Variants in POC5 observed in about 807,000 individuals in gnomAD.
The protein encoded by POC5 is POC5 centriolar protein.
In POC5, 48 loss-of-function variants were observed where a neutral mutation model predicts 62.9. The observed-to-expected ratio is 0.76, with a 90% confidence interval of 0.61 to 0.97. The LOEUF (loss-of-function observed/expected upper bound fraction) is 0.97. Among genes scored for constraint, POC5 ranks in the 50% least tolerant of loss-of-function variants. The probability of loss-of-function intolerance (pLI) is 0.00; values close to 1 mark genes in which losing one functional copy is unlikely to be tolerated. For missense variants in POC5, 696 were observed against 679.5 expected, an observed-to-expected ratio of 1.02 and a Z score of -0.27; for synonymous variants, 236 against 228.2, an observed-to-expected ratio of 1.03 and a Z score of -0.31.
At chr5:75,698,282 A>AC (rs1484994194) in intron 5 of POC5, among the ~76,000 whole-genome samples, 1 of 149,850 alleles carries the variant, frequency 6.7e-6, no homozygotes, top group African/African-American at 2.5e-5. Context: ...TCAGCACCAC[A>AC]CCACACCTAT....
intron 5 of POC5, among the ~76,000 whole-genome samples, chr5:75,701,229 CAAAGGACTAT>C (rs1776865235): frequency 7.0e-6 from 1 of 142,046 alleles, no homozygotes; most frequent in Non-Finnish European, 1.6e-5. Flanking sequence ...GGTATATACC[CAAAGGACTAT>C]AAATCATGCG....
chr5:75,685,883 A>C (rs187090466), intron 9 of POC5, among the ~76,000 whole-genome samples: 135 of 152,322 alleles, frequency 8.9e-4, no homozygotes, highest in African/African-American at 3.1e-3. Context: ...TAGATGGCCA[A>C]AATGACCTGC....
intron 11 of POC5, among the ~76,000 whole-genome samples, chr5:75,676,289 TCTC>T (rs1314213058): frequency 6.6e-6 from 1 of 152,226 alleles, no homozygotes. Flanking sequence ...GTTTATTTCT[TCTC>T]ATTTTTGATA....
chr5:75,707,570 C>A, intron 3 of POC5, 167 bp downstream of exon 3: 1 of 506,980 alleles, frequency 2.0e-6, no homozygotes, highest in Non-Finnish European at 3.5e-6. Context: ...ACACGAGAGT[C>A]AGGAATAATA....
chr5:75,685,848 G>GTAT (rs1309655694), intron 9 of POC5, among the ~76,000 whole-genome samples: 1 of 152,078 alleles, frequency 6.6e-6, no homozygotes, highest in African/African-American at 2.4e-5. Context: ...AGGTTCCTTT[G>GTAT]TATTAGTTCA....
chr5:75,712,765 G>GA, intron 2 of POC5, 89 bp downstream of exon 2: 1 of 1,051,192 alleles, frequency 9.5e-7, no homozygotes, highest in Non-Finnish European at 1.4e-6. Context: ...GTAAATGGAT[G>GA]AAAAAATTAT....
intron 10 of POC5, among the ~76,000 whole-genome samples, chr5:75,682,349 CGT>C (rs1373904296): frequency 6.6e-6 from 1 of 152,084 alleles, no homozygotes; most frequent in Non-Finnish European, 1.5e-5. Context: ...TCTAGCTCCG[CGT>C]GTGTTAACTG....
chr5:75,715,284 T>G (rs1312384272), intron 1 of POC5, among the ~76,000 whole-genome samples: 1 of 125,882 alleles, frequency 7.9e-6, no homozygotes, highest in Non-Finnish European at 1.5e-5. Context: ...CACTCCAGCC[T>G]GGGCGACAGA....
At chr5:75,693,339 TAGAA>T (rs1042707413) in intron 6 of POC5, among the ~76,000 whole-genome samples, 6 of 151,902 alleles carry the variant, frequency 3.9e-5, no homozygotes, top group African/African-American at 1.4e-4. Context: ...ATAGTCACAT[TAGAA>T]AGAGATTTTG....
In POC5 at chr5:75,702,760, A is replaced by T. The variant is rs1182429698; in HGVS notation, c.358T>A (p.Phe120Ile). 1 of 1,597,392 alleles carries T rather than the reference A, an allele frequency of 6.3e-7. No individual in the cohort carries two copies. The highest frequency in any genetic ancestry group is 8.5e-7 in the Non-Finnish European group (1 of 1,171,278). Residue 120 changes from phenylalanine to isoleucine, a missense_variant, in exon 5 of 12, where the codon TTT becomes ATT. By Grantham distance (21) the Phe-to-Ile change is conservative (BLOSUM62 0). Coordinates refer to ENST00000428202, the MANE Select transcript of POC5 (RefSeq NM_001099271.2). Reference sequence around the variant, plus strand: ...TCAGCTAAAAGATGTGAACTGAAAAAATCCATGACTGGGTGAGAAGGCTTC... The same window carrying T: ...TCAGCTAAAAGATGTGAACTGAAAATATCCATGACTGGGTGAGAAGGCTTC... ...PRKPSHPVMD[F>I]FSSHLLADSS...
At position 75,685,328 on chromosome 5, in the gene POC5, G is replaced by C; in HGVS notation, c.1286C>G (p.Ala429Gly). Residue 429 changes from alanine (A) to glycine (G), a missense_variant, in exon 10 of 12, where the codon GCG (alanine) becomes GGG (glycine). By Grantham distance (60) the Ala-to-Gly change is moderately conservative. Transcript: ENST00000428202. ...SPPAAVGGAS[A>G]TAVPSAASMT... The stretch of plus-strand genomic sequence containing the variant: ...CGAAGCAGCTGAGGGAACGGCAGTC[G>C]CGCTGGCTCCTCCGACGGCGGCTGG... The C allele has an allele frequency of 1.2e-6, 2 of 1,614,032 alleles. No individual in the cohort carries two copies. The highest frequency in any genetic ancestry group is 1.7e-6 in the Non-Finnish European group (2 of 1,179,898).
At chr5:75,686,351 T>C (rs1286714814) in intron 9 of POC5, among the ~76,000 whole-genome samples, 1 of 152,218 alleles carries the variant, frequency 6.6e-6, no homozygotes, top group African/African-American at 2.4e-5. Flanking sequence ...GAGGGCATTA[T>C]GTAAGTTGTA....
chr5:75,702,815 A>T lies in POC5; in HGVS notation c.308-5T>A, dbSNP rs1239877951. 1 of 1,554,200 alleles carries T rather than the reference A, an allele frequency of 6.4e-7. No individual in the cohort carries two copies. Among genetic ancestry groups the T allele is most frequent in the South Asian group, 1.2e-5 (1 of 84,362 alleles). On this transcript the variant is annotated splice_region_variant and splice_polypyrimidine_tract_variant and intron_variant, in intron 4 of 11. Coordinates refer to ENST00000428202, the MANE Select transcript of POC5 (RefSeq NM_001099271.2). ...GCGATAACACTGGTGATGACTCTGA[A>T]TAAAAGAAAAGTTGTAGCTGTCAAG...
intron 5 of POC5, among the ~76,000 whole-genome samples, chr5:75,701,986 C>T (rs1159291713): frequency 6.6e-6 from 1 of 152,186 alleles, no homozygotes; most frequent in African/African-American, 2.4e-5. Context: ...TACACACAGG[C>T]TGAGCCATTC....
chr5:75,677,945 C>T lies in POC5; in HGVS notation c.1413G>A (p.Val471=). 1 of 1,549,106 alleles carries T rather than the reference C, an allele frequency of 6.5e-7. No homozygotes were observed. Among genetic ancestry groups the T allele is most frequent in the Non-Finnish European group, 8.7e-7 (1 of 1,147,922 alleles). ...GTTGTGCAGAGGTTACAACTCTTGG[C>T]ACATACTAAGAAGAAAAAAAAATAA... ...AATAASEEMY[V]PRVVTSAQQK... Residue 471 remains valine (V), a synonymous_variant, in exon 11 of 12, where the codon GTG becomes GTA. Transcript: ENST00000428202.
rs528733895 is a variant in POC5 at position 75,674,270 on chromosome 5, T to C, written c.*165A>G. 27 of 526,552 alleles carry C rather than the reference T, an allele frequency of 5.1e-5. No homozygotes were observed. The East Asian group carries it at 7.8e-4, about 15-fold the overall frequency. The allele number at this position is 526,552 out of a possible 1,614,324, so 32.6% of individuals were successfully genotyped here. On this transcript the variant is annotated 3_prime_UTR_variant, in exon 12 of 12. Transcript: ENST00000428202. ...ATAACATTAAAATAATTTCTACATA[T>C]AGTTACAAAGCATGGTAGAGCTTGA...
intron 11 of POC5, among the ~76,000 whole-genome samples, chr5:75,676,317 T>C (rs969730877): frequency 3.3e-5 from 5 of 152,244 alleles, no homozygotes; most frequent in African/African-American, 9.6e-5. Flanking sequence ...GTCTTCCATA[T>C]TCAAAAATAT....
intron 4 of POC5, 71 bp from the exon 5 acceptor site, chr5:75,702,881 G>T (rs750876963): frequency 4.0e-6 from 5 of 1,259,450 alleles, no homozygotes; most frequent in Non-Finnish European, 4.4e-6. Context: ...AACCATACTG[G>T]AAGGCTAAAA....
At chr5:75,699,077 T>C (rs1055431696) in intron 5 of POC5, among the ~76,000 whole-genome samples, 1 of 152,112 alleles carries the variant, frequency 6.6e-6, no homozygotes, top group African/African-American at 2.4e-5. Flanking sequence ...CAATAATCAA[T>C]AGCTTACCAA....
Sources: allele counts gnomAD v4.1 joint callset (sites outside exome capture counted in the v4.1 genomes callset), GRCh38; gene constraint gnomAD v4.1.1; transcripts MANE v1.5; gene names NCBI Gene and HGNC (gene_info 2026-07-23, HGNC 2026-07-21).